Variants in TRIM55 observed in about 807,000 individuals in gnomAD.
TRIM55 encodes the protein tripartite motif containing 55.
TRIM55 carries 50 observed loss-of-function variants against 60.9 expected under a neutral mutation model. That is an observed-to-expected ratio of 0.82 (90% CI 0.65 to 1.04). TRIM55 has a LOEUF of 1.04. TRIM55 is among the 50% of genes least tolerant of loss of function. The pLI is 0.00. For missense variants in TRIM55, 681 were observed against 666.9 expected (o/e 1.02, Z -0.23); for synonymous variants, 237 against 238.1 (o/e 1.00, Z 0.04).
intron 1 of TRIM55, 24 bp from the exon 2 acceptor site, chr8:66,128,280 T>A: frequency 6.4e-7 from 1 of 1,555,330 alleles, no homozygotes. Flanking sequence ...ACCCAATTCC[T>A]TTTTTCTTAC....
intron 9 of TRIM55, among the ~76,000 whole-genome samples, chr8:66,157,743 C>T (rs7842761): frequency 0.23 from 35,159 of 152,116 alleles, 8,157 homozygotes; most frequent in African/African-American, 0.6. Context: ...GCTTTCCTTA[C>T]ATCCATGTAC....
intron 9 of TRIM55, among the ~76,000 whole-genome samples, chr8:66,162,208 G>T (rs897685338): frequency 6.6e-5 from 10 of 151,966 alleles, no homozygotes; most frequent in Non-Finnish European, 1.3e-4. Flanking sequence ...TGCTAATTTT[G>T]CTGAGGGTTT....
chr8:66,151,696 T>C (rs567787984), intron 7 of TRIM55, among the ~76,000 whole-genome samples: 23 of 151,762 alleles, frequency 1.5e-4, no homozygotes, highest in Non-Finnish European at 2.8e-4. Context: ...ACAAAAAAAT[T>C]AGCCGGGCGT....
chr8:66,157,337 A>G (rs1203069243), intron 9 of TRIM55, among the ~76,000 whole-genome samples: 1 of 152,184 alleles, frequency 6.6e-6, no homozygotes, highest in Non-Finnish European at 1.5e-5. Context: ...TTCATGATGG[A>G]GTACTACTCT....
chr8:66,160,926 T>C (rs940673259), intron 9 of TRIM55, among the ~76,000 whole-genome samples: 4 of 151,906 alleles, frequency 2.6e-5, no homozygotes, highest in Non-Finnish European at 5.9e-5. Flanking sequence ...TATTAGTCCT[T>C]TGTTGGATGT....
At chr8:66,128,202 G>A in intron 1 of TRIM55, 102 bp from the exon 2 acceptor site, 1 of 1,156,468 alleles carries the variant, frequency 8.6e-7, no homozygotes, top group Non-Finnish European at 1.2e-6. Context: ...CAAGCTTAAA[G>A]TAGAAGTTCA....
chr8:66,164,331 T>C (rs934099047), intron 9 of TRIM55, among the ~76,000 whole-genome samples: 4 of 152,218 alleles, frequency 2.6e-5, no homozygotes, highest in South Asian at 2.1e-4. Context: ...AACCTCACAG[T>C]CTGATAATTA....
upstream of TRIM55, among the ~76,000 whole-genome samples, chr8:66,125,269 A>G (rs1563628581): frequency 6.6e-6 from 1 of 152,206 alleles, no homozygotes; most frequent in African/African-American, 2.4e-5. Flanking sequence ...TGTACTCTTT[A>G]TCACATTTTA....
At chr8:66,154,368 C>A (rs371117115) in intron 9 of TRIM55, 34 bp downstream of exon 9, 2 of 1,602,250 alleles carry the variant, frequency 1.2e-6, no homozygotes, top group South Asian at 1.1e-5. Context: ...TATGCTTTCC[C>A]GCGCCCCCTA....
rs531569749 is a variant in TRIM55 at position 66,127,672 on chromosome 8, C to CAA, written c.168+248_168+249dup. Among the ~76,000 whole-genome samples the CAA allele has an allele frequency of 5.9e-3, 840 of 141,954 alleles. 9 individuals are homozygous for CAA. Among genetic ancestry groups the CAA allele is most frequent in the African/African-American group, 0.02 (786 of 39,088 alleles). The allele number at this position is 141,954 out of a possible 152,430, so 93.1% of individuals were successfully genotyped here. On this transcript the variant is annotated intron_variant, in intron 1 of 9. Coordinates refer to ENST00000315962, the MANE Select transcript of TRIM55 (RefSeq NM_184085.2). ...CAAAACCCCATCTCCACTAAAAATA[C>CAA]AAAAAAAAAAAAATTAGCTGGGCAT...
At chr8:66,139,560 A>G (rs1809685225) in intron 4 of TRIM55, among the ~76,000 whole-genome samples, 2 of 152,236 alleles carry the variant, frequency 1.3e-5, no homozygotes, top group Non-Finnish European at 2.9e-5. Flanking sequence ...AGAAGGGATT[A>G]GTGCAGATGT....
chr8:66,133,470 C>T (rs1385546095), intron 2 of TRIM55, among the ~76,000 whole-genome samples: 5 of 151,872 alleles, frequency 3.3e-5, no homozygotes, highest in African/African-American at 1.2e-4. Flanking sequence ...ACAGACAGAC[C>T]TGAGAGGAGG....
chr8:66,124,647 C>T (rs1011560347), upstream of TRIM55, among the ~76,000 whole-genome samples: 10 of 152,224 alleles, frequency 6.6e-5, no homozygotes, highest in African/African-American at 2.2e-4. Flanking sequence ...ATCCCAAAAT[C>T]ATTAAGCCAA....
chr8:66,155,319 T>C (rs191948927), intron 9 of TRIM55, among the ~76,000 whole-genome samples: 204 of 152,366 alleles, frequency 1.3e-3, no homozygotes, highest in African/African-American at 4.3e-3. Flanking sequence ...TAACATGCTT[T>C]GGGGTTGGAT....
At chr8:66,113,683 G>A in the TRIM55 span, 17 of 427,386 alleles carry the variant, frequency 4.0e-5, no homozygotes, top group Non-Finnish European at 7.0e-5. Context: ...CCGAGCGACT[G>A]CCGGGTCACG....
intron 4 of TRIM55, 139 bp from the exon 5 acceptor site, chr8:66,149,506 T>A (rs1035403726): frequency 1.5e-6 from 1 of 658,604 alleles, no homozygotes; most frequent in African/African-American, 1.8e-5. Context: ...TGGGTATCCA[T>A]ACCTAAATAG....
intron 9 of TRIM55, among the ~76,000 whole-genome samples, chr8:66,163,808 T>G (rs1811175417): frequency 6.6e-6 from 1 of 152,232 alleles, no homozygotes; most frequent in African/African-American, 2.4e-5. Flanking sequence ...ATAGTGTTGT[T>G]TAAGTCTACT....
chr8:66,154,271 C>A lies in TRIM55; in HGVS notation c.1461C>A (p.Ala487=). The change falls in exon 9 of 10, where the codon GCC becomes GCA. Residue 487 remains alanine (A), a synonymous_variant. Transcript: ENST00000315962. ...TACGGAAGGCAGAAGTGGCAGCAGC[C>A]GCAGCGAGTGAGAGGGCAGCTGTGA... The part of the protein sequence containing the change: ...SNVRKAEVAA[A]AASERAAVSG... 1 of 1,614,056 alleles carries A rather than the reference C, an allele frequency of 6.2e-7. No individual in the cohort carries two copies. Among genetic ancestry groups the A allele is most frequent in the South Asian group, 1.1e-5 (1 of 91,084 alleles).
chr8:66,113,738 G>C, the TRIM55 span: 12 of 360,554 alleles, frequency 3.3e-5, no homozygotes, highest in Admixed American at 2.1e-4. Context: ...CCCGGGCCCC[G>C]AGTCACACAG....
Sources: gnomAD v4.1 joint callset for allele counts (sites outside exome capture counted in the v4.1 genomes callset) on GRCh38, gnomAD v4.1.1 for gene constraint, MANE v1.5 for transcripts, NCBI Gene and HGNC (gene_info 2026-07-23, HGNC 2026-07-21) for gene names.